Variants in HRH1 observed in about 807,000 individuals in gnomAD.
HRH1 encodes histamine H1 receptor.
A neutral mutation model predicts 10.3 loss-of-function variants in HRH1; 6 were observed. The ratio of observed to expected loss-of-function variants is 0.58; its 90% CI spans 0.32 to 1.15. The LOEUF (loss-of-function observed/expected upper bound fraction) is 1.15. Ranked by LOEUF, HRH1 falls within the 50% of genes most tolerant of loss-of-function variation. HRH1 has a pLI of 0.05. For missense variants in HRH1, 514 were observed against 615.3 expected (o/e 0.84, Z 1.74); for synonymous variants, 242 against 236.7 (o/e 1.02, Z -0.21).
intron 1 of HRH1, among the ~76,000 whole-genome samples, chr3:11,145,294 G>T (rs752922706): frequency 6.6e-6 from 1 of 152,122 alleles, no homozygotes; most frequent in African/African-American, 2.4e-5. Context: ...CCTTCTCTCA[G>T]TCAACTTCTC....
At chr3:11,172,214 T>C (rs1937164096) in intron 1 of HRH1, among the ~76,000 whole-genome samples, 1 of 152,206 alleles carries the variant, frequency 6.6e-6, no homozygotes, top group African/African-American at 2.4e-5. Context: ...TGTTGTTTAT[T>C]GAGACACCAC....
chr3:11,144,752 C>T (rs1445094730), intron 1 of HRH1, among the ~76,000 whole-genome samples: 1 of 151,760 alleles, frequency 6.6e-6, no homozygotes. Context: ...TGGCCAACCA[C>T]GACAACACTT....
rs192716294 is a variant in HRH1 at position 11,257,417 on chromosome 3, G to A, written c.-35-1586G>A. Among the ~76,000 whole-genome samples, 23 of 151,900 alleles carry A rather than the reference G, an allele frequency of 1.5e-4. 1 individual carries two copies. In the East Asian group the frequency reaches 3.3e-3, roughly 22 times the overall value. On this transcript the variant is annotated intron_variant, in intron 1 of 1. Coordinates refer to ENST00000431010, the MANE Select transcript of HRH1 (RefSeq NM_001098212.2). ...CTAAAAAAATACAAAAAAAATAGCC[G>A]GGTGTGGTGGCACACTCCTGTAATC... is the stretch of plus-strand genomic sequence containing the variant.
chr3:11,257,896 T>G (rs1939825203), intron 1 of HRH1, among the ~76,000 whole-genome samples: 1 of 152,144 alleles, frequency 6.6e-6, no homozygotes, highest in East Asian at 1.9e-4. Context: ...CATTCCACCT[T>G]TAACTCTTGC....
chr3:11,185,774 G>A (rs168333), intron 1 of HRH1, among the ~76,000 whole-genome samples: 80,544 of 152,020 alleles, frequency 0.53, 23,232 homozygotes, highest in Admixed American at 0.68. Context: ...CTGCGGTGTC[G>A]TGTTGGTGCA....
rs570917030 is a variant in HRH1, at chr3:11,260,151, G to A, written c.1114G>A (p.Gly372Ser). The part of the protein sequence containing the change: ...DSDTTTETAP[G>S]KGKLRSGSNT... ...AGATACCACCACAGAGACAGCACCAGGCAAAGGCAAATTGAGGAGTGGGTC... is the reference window on the plus strand; with the variant it reads ...AGATACCACCACAGAGACAGCACCAAGCAAAGGCAAATTGAGGAGTGGGTC... The change falls in exon 2 of 2, where the codon GGC (glycine) becomes AGC (serine). Residue 372 changes from glycine to serine, a missense_variant. Gly to Ser is a moderately conservative substitution (Grantham distance 56, BLOSUM62 0). Coordinates refer to ENST00000431010, the MANE Select transcript of HRH1 (RefSeq NM_001098212.2). The A allele has an allele frequency of 6.2e-7, 1 of 1,613,936 alleles. No homozygotes were observed. Among genetic ancestry groups the A allele is most frequent in the Non-Finnish European group, 8.5e-7 (1 of 1,180,034 alleles).
chr3:11,250,088 G>C (rs979287765), intron 1 of HRH1, among the ~76,000 whole-genome samples: 1 of 134,276 alleles, frequency 7.4e-6, no homozygotes, highest in Non-Finnish European at 1.5e-5. Context: ...TGCCGCCCAG[G>C]CTGGAGTGCA....
At chr3:11,256,278 G>A (rs192060084) in intron 1 of HRH1, among the ~76,000 whole-genome samples, 1 of 152,204 alleles carries the variant, frequency 6.6e-6, no homozygotes, top group Admixed American at 6.5e-5. Context: ...AAATACCGCT[G>A]TAAGAAAGAG....
rs376922055 is a variant in HRH1 at position 11,184,676 on chromosome 3, G to A, written c.-36+30122G>A. 1.8e-4 allele frequency among the ~76,000 whole-genome samples: 28 copies of A among 152,230 alleles called. No individual in the cohort carries two copies. The East Asian group carries it at 1.9e-3, about 10-fold the overall frequency. ...TCGCACCTGTAATCCAATAGTTTGG[G>A]AGGCCGAGGCGGGCGGATCACCTGA... On this transcript the variant is annotated intron_variant, in intron 1 of 1. Transcript: ENST00000431010.
chr3:11,245,850 T>G (rs1939465640), intron 1 of HRH1, among the ~76,000 whole-genome samples: 1 of 151,992 alleles, frequency 6.6e-6, no homozygotes, highest in South Asian at 2.1e-4. Flanking sequence ...TCTCCCTACT[T>G]TAAAGGTGAG....
intron 1 of HRH1, among the ~76,000 whole-genome samples, chr3:11,228,188 T>C (rs1214161114): frequency 2.0e-5 from 3 of 152,194 alleles, no homozygotes; most frequent in African/African-American, 7.2e-5. Context: ...AGGAAAGTGA[T>C]TCACAATATT....
intron 1 of HRH1, chr3:11,234,379 G>A: frequency 6.2e-7 from 1 of 1,603,372 alleles, no homozygotes. Flanking sequence ...AGAGGTCTGG[G>A]TATTTCTGCA....
At chr3:11,192,412 C>A (rs1042679120) in intron 1 of HRH1, among the ~76,000 whole-genome samples, 1 of 152,048 alleles carries the variant, frequency 6.6e-6, no homozygotes. Context: ...AGCTGTAGTT[C>A]ATTCATTGTC....
intron 1 of HRH1, among the ~76,000 whole-genome samples, chr3:11,169,567 T>A (rs1423895827): frequency 1.3e-5 from 2 of 152,096 alleles, no homozygotes; most frequent in African/African-American, 4.8e-5. Flanking sequence ...GGGGCCTTTG[T>A]TCCTACAGGG....
chr3:11,260,584 G>A lies in HRH1; in HGVS notation c.*83G>A. 1.5e-6 allele frequency: 2 copies of A among 1,327,214 alleles called. No individual in the cohort carries two copies. Among genetic ancestry groups the A allele is most frequent in the Non-Finnish European group, 2.1e-6 (2 of 960,710 alleles). The allele number at this position is 1,327,214 out of a possible 1,614,324, so 82.2% of individuals were successfully genotyped here. A position where few individuals can be genotyped will look rare whatever the true frequency, so the allele number is the denominator to read the frequency against. On this transcript the variant is annotated 3_prime_UTR_variant, in exon 2 of 2. Coordinates refer to ENST00000431010, the MANE Select transcript of HRH1 (RefSeq NM_001098212.2). ...AGGACGAAGGCCTGTGTGTTGCCAG[G>A]CAGGCACCTGGGCTTTCTGGAATCC... is the stretch of plus-strand genomic sequence containing the variant.
intron 1 of HRH1, among the ~76,000 whole-genome samples, chr3:11,205,021 T>G (rs1938066506): frequency 6.6e-6 from 1 of 152,182 alleles, no homozygotes; most frequent in Non-Finnish European, 1.5e-5. Flanking sequence ...GTCTGGTAAT[T>G]GTATTCCATT....
intron 1 of HRH1, among the ~76,000 whole-genome samples, chr3:11,241,768 G>A (rs1939346016): frequency 6.6e-6 from 1 of 151,918 alleles, no homozygotes; most frequent in Admixed American, 6.6e-5. Context: ...CCTGGGAGGT[G>A]GAGCTTGCAG....
At chr3:11,218,087 T>C (rs1352168496) in intron 1 of HRH1, among the ~76,000 whole-genome samples, 1 of 152,194 alleles carries the variant, frequency 6.6e-6, no homozygotes, top group African/African-American at 2.4e-5. Context: ...TTAAAAAGAA[T>C]TAAAAGGCAG....
intron 1 of HRH1, among the ~76,000 whole-genome samples, chr3:11,172,503 T>C (rs947532266): frequency 2.0e-5 from 3 of 152,178 alleles, no homozygotes; most frequent in Admixed American, 6.5e-5. Flanking sequence ...CTATGGGTCA[T>C]ATATGACCGA....
Sources: gnomAD v4.1 joint callset for allele counts (sites outside exome capture counted in the v4.1 genomes callset) on GRCh38, gnomAD v4.1.1 for gene constraint, MANE v1.5 for transcripts, NCBI Gene and HGNC (gene_info 2026-07-23, HGNC 2026-07-21) for gene names.